Variants in CADM1 observed in about 807,000 individuals in gnomAD.
CADM1 encodes the protein cell adhesion molecule 1.
A neutral mutation model predicts 53.1 loss-of-function variants in CADM1; 15 were observed. The observed-to-expected ratio is 0.28, with a 90% CI of 0.19 to 0.44. CADM1 has a LOEUF of 0.44. Ranked by LOEUF, CADM1 falls within the 20% of genes least tolerant of loss-of-function variation. The pLI is 1.00. For missense variants in CADM1, 434 were observed against 611.3 expected (o/e 0.71, Z 3.06); for synonymous variants, 281 against 243.0 (o/e 1.16, Z -1.45).
chr11:115,342,040 A>T (rs961263070), intron 1 of CADM1, among the ~76,000 whole-genome samples: 7 of 152,314 alleles, frequency 4.6e-5, no homozygotes, highest in Admixed American at 4.6e-4. Flanking sequence ...TTCATAAAAA[A>T]TGCATACCCA....
intron 1 of CADM1, among the ~76,000 whole-genome samples, chr11:115,333,267 A>T (rs1298940479): frequency 2.0e-5 from 3 of 152,120 alleles, no homozygotes; most frequent in Non-Finnish European, 4.4e-5. Context: ...TCACTTCCTC[A>T]CTTAAAACCC....
At chr11:115,365,979 A>G (rs925605530) in intron 1 of CADM1, among the ~76,000 whole-genome samples, 2 of 152,210 alleles carry the variant, frequency 1.3e-5, no homozygotes, top group African/African-American at 4.8e-5. Flanking sequence ...GGAACACAGA[A>G]TAGGTTTTAT....
At chr11:115,291,996 A>G (rs1277168954) in intron 1 of CADM1, among the ~76,000 whole-genome samples, 1 of 152,210 alleles carries the variant, frequency 6.6e-6, no homozygotes, top group Non-Finnish European at 1.5e-5. Context: ...TAATTGGTAT[A>G]TTGGGAACCT....
At chr11:115,332,439 C>G in intron 1 of CADM1, among the ~76,000 whole-genome samples, 1 of 152,124 alleles carries the variant, frequency 6.6e-6, no homozygotes, top group East Asian at 1.9e-4. Flanking sequence ...ACTACGAGAT[C>G]TGGGTATTAG....
chr11:115,254,905 G>T (rs1373727992), intron 1 of CADM1, among the ~76,000 whole-genome samples: 1 of 152,124 alleles, frequency 6.6e-6, no homozygotes, highest in African/African-American at 2.4e-5. Context: ...TTTTAATCCA[G>T]GGAATGATTA....
chr11:115,198,576 A>G, intron 8 of CADM1, 138 bp from the exon 9 acceptor site: 2 of 690,462 alleles, frequency 2.9e-6, no homozygotes, highest in East Asian at 2.8e-5. Context: ...AGCAATAATA[A>G]ATGAAAAGCA....
At position 115,181,282 on chromosome 11, in the gene CADM1, C is replaced by T. The variant is rs140517694; in HGVS notation, c.1166-2507G>A. Among the ~76,000 whole-genome samples the T allele has an allele frequency of 4.6e-5, 7 of 152,174 alleles. No homozygotes were observed. The East Asian group carries it at 5.8e-4, about 13-fold the overall frequency. On this transcript the variant is annotated intron_variant, in intron 10 of 11. Coordinates refer to ENST00000331581, the MANE Select transcript of CADM1 (RefSeq NM_001301043.2). ...TATCTGTGAGATTAATTTCTTGAGC[C>T]GAAACTCCTTACTTGACCTTTGCCC...
intron 1 of CADM1, among the ~76,000 whole-genome samples, chr11:115,466,679 ACT>A (rs1417745238): frequency 2.0e-5 from 3 of 152,154 alleles, no homozygotes; most frequent in African/African-American, 4.8e-5. Flanking sequence ...TAAATGAAAC[ACT>A]CTTCAAAATT....
At position 115,170,989 on chromosome 11, in the gene CADM1, C is replaced by T. The variant is rs542367970; in HGVS notation, c.*5485G>A. The T allele has an allele frequency of 6.6e-6, 1 of 152,316 alleles. No individual in the cohort carries two copies. The highest frequency in any genetic ancestry group is 6.5e-5 in the Admixed American group (1 of 15,298). The allele number at this position is 152,316 out of a possible 1,614,324, so 9.4% of individuals were successfully genotyped here. Reference sequence around the variant, plus strand: ...AAGGCTCAGTCAGCCAGGTGCTCGACTCTTCTCCCTTTAATCAGCTGATAC... The same window carrying T: ...AAGGCTCAGTCAGCCAGGTGCTCGATTCTTCTCCCTTTAATCAGCTGATAC... On this transcript the variant is annotated 3_prime_UTR_variant, in exon 12 of 12. Coordinates refer to ENST00000331581, the MANE Select transcript of CADM1 (RefSeq NM_001301043.2).
chr11:115,382,779 A>G (rs148530315), intron 1 of CADM1, among the ~76,000 whole-genome samples: 20 of 152,340 alleles, frequency 1.3e-4, no homozygotes, highest in African/African-American at 4.8e-4. Context: ...AATCTACTTA[A>G]AACTGTAAGA....
intron 2 of CADM1, among the ~76,000 whole-genome samples, 172 bp from the exon 3 acceptor site, chr11:115,238,824 C>CAGTGTATGTGTG (rs1452472288): frequency 1.3e-5 from 2 of 151,966 alleles, no homozygotes; most frequent in African/African-American, 4.8e-5. Flanking sequence ...TTACACATAT[C>CAGTGTATGTGTG]AGTGTATGTG....
At chr11:115,228,655 CAA>C (rs1433248045) in intron 5 of CADM1, among the ~76,000 whole-genome samples, 3 of 152,060 alleles carry the variant, frequency 2.0e-5, no homozygotes, top group African/African-American at 7.2e-5. Context: ...GCAATGATCC[CAA>C]AGAGTCGACT....
chr11:115,235,406 T>C (rs1941977980), intron 3 of CADM1, among the ~76,000 whole-genome samples: 1 of 152,174 alleles, frequency 6.6e-6, no homozygotes, highest in Non-Finnish European at 1.5e-5. Context: ...AGAATATACT[T>C]ATGCATGGTC....
At chr11:115,456,205 A>G (rs957636489) in intron 1 of CADM1, among the ~76,000 whole-genome samples, 19 of 152,198 alleles carry the variant, frequency 1.2e-4, no homozygotes, top group Non-Finnish European at 2.1e-4. Context: ...GATAAACAGT[A>G]AGAACTGGGT....
chr11:115,480,988 T>C (rs1342266302), intron 1 of CADM1, among the ~76,000 whole-genome samples: 3 of 152,064 alleles, frequency 2.0e-5, no homozygotes, highest in Non-Finnish European at 4.4e-5. Flanking sequence ...AACTCTCACT[T>C]TCCTATTTTT....
At chr11:115,215,565 T>C (rs1223968798) in intron 6 of CADM1, among the ~76,000 whole-genome samples, 1 of 152,178 alleles carries the variant, frequency 6.6e-6, no homozygotes, top group Admixed American at 6.5e-5. Flanking sequence ...TCCACATGGA[T>C]CCCTTAGGGC....
intron 1 of CADM1, among the ~76,000 whole-genome samples, chr11:115,487,527 A>G (rs950109157): frequency 6.6e-6 from 1 of 152,164 alleles, no homozygotes; most frequent in Non-Finnish European, 1.5e-5. Context: ...TAATATGAAA[A>G]TGGGAGATCA....
chr11:115,234,478 C>G (rs1200948477), intron 3 of CADM1, among the ~76,000 whole-genome samples: 1 of 152,132 alleles, frequency 6.6e-6, no homozygotes, highest in African/African-American at 2.4e-5. Flanking sequence ...ATAAATTCTA[C>G]TCTGTAACTC....
intron 9 of CADM1, among the ~76,000 whole-genome samples, chr11:115,197,012 C>T (rs1338705671): frequency 6.6e-6 from 1 of 152,178 alleles, no homozygotes; most frequent in Non-Finnish European, 1.5e-5. Flanking sequence ...GTCAGCACAC[C>T]TAGCCCCTTT....
Sources: allele counts gnomAD v4.1 joint callset (sites outside exome capture counted in the v4.1 genomes callset), GRCh38; gene constraint gnomAD v4.1.1; transcripts MANE v1.5; gene names NCBI Gene and HGNC (gene_info 2026-07-23, HGNC 2026-07-21).